PKP4: variants seen among roughly 807,000 people sequenced by gnomAD.
PKP4 encodes plakophilin 4, also known as plakophilin-4.
In PKP4, 90 loss-of-function variants were observed where a neutral mutation model predicts 145.1. The observed-to-expected ratio is 0.62, with a 90% confidence interval of 0.52 to 0.74. The LOEUF (loss-of-function observed/expected upper bound fraction) is 0.74. Ranked by LOEUF, PKP4 falls within the 30% of genes least tolerant of loss-of-function variation. The pLI is 0.00. For missense variants in PKP4, 1,340 were observed against 1,482.7 expected (o/e 0.90, Z 1.58); for synonymous variants, 563 against 577.2 (o/e 0.98, Z 0.35).
intron 1 of PKP4, among the ~76,000 whole-genome samples, chr2:158,500,784 C>T (rs777815218): frequency 2.9e-4 from 44 of 152,122 alleles, no homozygotes; most frequent in Non-Finnish European, 5.1e-4. Context: ...GGCATGAACT[C>T]GTGAGAAAGT....
intron 4 of PKP4, among the ~76,000 whole-genome samples, chr2:158,620,128 G>A (rs7583722): frequency 0.91 from 137,985 of 152,064 alleles, 62,717 homozygotes; most frequent in East Asian, 0.97. Context: ...ATTTCTGAAA[G>A]AAAGTTTGTT....
chr2:158,648,140 A>G (rs746396947), intron 11 of PKP4, among the ~76,000 whole-genome samples: 19 of 152,192 alleles, frequency 1.2e-4, no homozygotes, highest in Non-Finnish European at 2.8e-4. Context: ...CGGTAATAAT[A>G]GACTTTGTTC....
chr2:158,519,386 C>G (rs536295946), intron 1 of PKP4, among the ~76,000 whole-genome samples: 11 of 152,150 alleles, frequency 7.2e-5, no homozygotes, highest in African/African-American at 7.2e-5. Context: ...TTTGGTCCCC[C>G]CTGGGTGTCA....
At chr2:158,670,840 T>C (rs2057491496) in intron 17 of PKP4, among the ~76,000 whole-genome samples, 1 of 152,188 alleles carries the variant, frequency 6.6e-6, no homozygotes, top group South Asian at 2.1e-4. Context: ...GACTAGAGAA[T>C]CAGTGGTAAA....
chr2:158,663,065 AAG>A lies in PKP4; in HGVS notation c.2383_2384del (p.Arg795AspfsTer24). 6.2e-7 allele frequency: 1 copy of A among 1,610,932 alleles called. No individual in the cohort carries two copies. Among genetic ancestry groups the A allele is most frequent in the Non-Finnish European group, 8.5e-7 (1 of 1,179,156 alleles). On this transcript the variant is annotated frameshift_variant, in exon 14 of 22. Transcript: ENST00000389759. LOFTEE classifies it high-confidence loss of function. ...SCWGKKKKKK[K>X]RTPQEDQWDG... ...CTGGGGGAAGAAGAAGAAAAAGAAA[AAG>A]AGGACTCCGCAAGAAGATCAAGTTA...
intron 1 of PKP4, among the ~76,000 whole-genome samples, chr2:158,484,398 A>G (rs531088952): frequency 1.3e-5 from 2 of 152,132 alleles, no homozygotes; most frequent in South Asian, 4.1e-4. Flanking sequence ...CGTCATTTCC[A>G]CTTGTCCTTG....
At chr2:158,469,353 G>C (rs752770410) in intron 1 of PKP4, among the ~76,000 whole-genome samples, 14 of 152,160 alleles carry the variant, frequency 9.2e-5, no homozygotes, top group Non-Finnish European at 1.8e-4. Context: ...GCCTCCCAAA[G>C]TGCTGAGATT....
At chr2:158,660,070 G>T (rs2056405162) in intron 12 of PKP4, 1 of 152,592 alleles carries the variant, frequency 6.6e-6, no homozygotes, top group African/African-American at 2.4e-5. Context: ...TTAAGAGCGA[G>T]GAAAGGGGGG....
chr2:158,637,175 C>T (rs867560964), intron 9 of PKP4, among the ~76,000 whole-genome samples: 6 of 152,230 alleles, frequency 3.9e-5, no homozygotes, highest in Middle Eastern at 3.4e-3. Flanking sequence ...CCTTTCAATC[C>T]CATCAAGATT....
At chr2:158,480,118 A>T (rs374275224) in intron 1 of PKP4, among the ~76,000 whole-genome samples, 3 of 152,258 alleles carry the variant, frequency 2.0e-5, no homozygotes, top group Non-Finnish European at 4.4e-5. Context: ...TTTTCTACCC[A>T]TAAGTCAGTG....
chr2:158,607,830 A>G (rs1392031360), intron 4 of PKP4, among the ~76,000 whole-genome samples: 2 of 152,166 alleles, frequency 1.3e-5, no homozygotes, highest in African/African-American at 4.8e-5. Context: ...AGTTTAGATT[A>G]TGAAGACACA....
chr2:158,490,647 T>C (rs1285264788), intron 1 of PKP4, among the ~76,000 whole-genome samples: 1 of 152,214 alleles, frequency 6.6e-6, no homozygotes, highest in Admixed American at 6.5e-5. Context: ...GGAGTCAATG[T>C]GGACAATAAT....
intron 2 of PKP4, among the ~76,000 whole-genome samples, chr2:158,546,976 A>G (rs2045113728): frequency 6.6e-6 from 1 of 152,208 alleles, no homozygotes; most frequent in Non-Finnish European, 1.5e-5. Context: ...TTAAGCAGGA[A>G]GGAGCAAACT....
chr2:158,617,822 G>A (rs1360626995), intron 4 of PKP4, among the ~76,000 whole-genome samples: 1 of 152,208 alleles, frequency 6.6e-6, no homozygotes, highest in Non-Finnish European at 1.5e-5. Context: ...AATCAGAATA[G>A]ATTTCAGGAT....
At position 158,559,190 on chromosome 2, in the gene PKP4, G is replaced by T. The variant is rs969381278; in HGVS notation, c.133-18081G>T. On this transcript the variant is annotated intron_variant, in intron 2 of 21. Coordinates refer to ENST00000389759, the MANE Select transcript of PKP4 (RefSeq NM_003628.6). The stretch of plus-strand genomic sequence containing the variant: ...AAGTATTGATTCCTTTATGGTTCCT[G>T]GCCCTGTTCACAGATCCACTTTTCT... Among the ~76,000 whole-genome samples the T allele has an allele frequency of 5.3e-5, 8 of 152,302 alleles. 1 individual carries two copies. Among genetic ancestry groups the T allele is most frequent in the Admixed American group, 2.0e-4 (3 of 15,288 alleles).
Position 158,533,402 on chromosome 2 carries a change from A to G in PKP4, c.132+86A>G, listed in dbSNP as rs566115106. 8.2e-5 allele frequency: 122 copies of G among 1,480,400 alleles called. 1 individual carries two copies. The South Asian group carries it at 1.4e-3, about 17-fold the overall frequency. 91.7% of individuals were successfully genotyped at this position (1,480,400 alleles called of 1,614,324 possible). The stretch of plus-strand genomic sequence containing the variant: ...CTTTGGATATGTTTTAAATTTGTGT[A>G]ACGTCCTTGACGCCTTCACGTTTTC... On this transcript the variant is annotated intron_variant, in intron 2 of 21. Coordinates refer to ENST00000389759, the MANE Select transcript of PKP4 (RefSeq NM_003628.6).
intron 1 of PKP4, among the ~76,000 whole-genome samples, chr2:158,522,101 T>C (rs1320633682): frequency 6.6e-6 from 1 of 152,146 alleles, no homozygotes; most frequent in African/African-American, 2.4e-5. Context: ...AAAGGAAAAA[T>C]AACTGGAGTC....
intron 1 of PKP4, among the ~76,000 whole-genome samples, chr2:158,486,227 T>C (rs1160150770): frequency 6.6e-6 from 1 of 152,224 alleles, no homozygotes; most frequent in East Asian, 1.9e-4. Flanking sequence ...GGATATGATA[T>C]AAGGAGAAAA....
intron 11 of PKP4, among the ~76,000 whole-genome samples, chr2:158,648,164 A>G (rs1179652617): frequency 6.6e-6 from 1 of 152,206 alleles, no homozygotes; most frequent in Non-Finnish European, 1.5e-5. Context: ...TGACTGCTAC[A>G]TGTACATTTC....
Sources: gnomAD v4.1 joint callset for allele counts (sites outside exome capture counted in the v4.1 genomes callset) on GRCh38, gnomAD v4.1.1 for gene constraint, MANE v1.5 for transcripts, NCBI Gene and HGNC (gene_info 2026-07-23, HGNC 2026-07-21) for gene names.